SLC16A12: variants seen among roughly 807,000 people sequenced by gnomAD.
The protein encoded by SLC16A12 is monocarboxylate transporter 12.
Under a neutral mutation model 42.4 loss-of-function variants are expected in SLC16A12, and 17 were observed. That is an observed-to-expected ratio of 0.40 (90% CI 0.27 to 0.60). SLC16A12 has a LOEUF of 0.60. SLC16A12 is among the 20% of genes least tolerant of loss of function. The pLI is 0.42. For missense variants in SLC16A12, 544 were observed against 623.0 expected, an observed-to-expected ratio of 0.87 and a Z score of 1.35; for synonymous variants, 224 against 229.4, an observed-to-expected ratio of 0.98 and a Z score of 0.21.
At chr10:89,441,484 A>G (rs989236840) in intron 4 of SLC16A12, among the ~76,000 whole-genome samples, 14 of 152,190 alleles carry the variant, frequency 9.2e-5, no homozygotes, top group Non-Finnish European at 2.9e-5. Flanking sequence ...TTCAGGGCTC[A>G]ATCCTCTTCA....
At chr10:89,497,010 G>C (rs1007804275) in intron 2 of SLC16A12, among the ~76,000 whole-genome samples, 3 of 152,146 alleles carry the variant, frequency 2.0e-5, no homozygotes, top group African/African-American at 7.2e-5. Context: ...TTTAATCAGA[G>C]AAATACAGTT....
At chr10:89,434,332 G>C (rs1330055453) in intron 7 of SLC16A12, among the ~76,000 whole-genome samples, 1 of 152,198 alleles carries the variant, frequency 6.6e-6, no homozygotes, top group Admixed American at 6.5e-5. Context: ...TATCATGTCT[G>C]ATTTGCCAAT....
At chr10:89,524,660 C>A (rs1843419813) in intron 2 of SLC16A12, among the ~76,000 whole-genome samples, 1 of 152,166 alleles carries the variant, frequency 6.6e-6, no homozygotes, top group East Asian at 1.9e-4. Context: ...TTTGTACACA[C>A]ACTTGTGTGT....
intron 2 of SLC16A12, among the ~76,000 whole-genome samples, chr10:89,522,104 A>G (rs531811811): frequency 1.3e-5 from 2 of 152,120 alleles, no homozygotes; most frequent in Non-Finnish European, 2.9e-5. Flanking sequence ...GTCCCATAGC[A>G]TTCACCTCCA....
chr10:89,437,407 C>A (rs1446609288), intron 6 of SLC16A12, among the ~76,000 whole-genome samples: 1 of 152,076 alleles, frequency 6.6e-6, no homozygotes, highest in Non-Finnish European at 1.5e-5. Context: ...AGTATAAGGT[C>A]AACAGGCAAA....
chr10:89,482,325 C>A (rs1842676899), intron 2 of SLC16A12, among the ~76,000 whole-genome samples: 1 of 151,628 alleles, frequency 6.6e-6, no homozygotes, highest in Non-Finnish European at 1.5e-5. Flanking sequence ...TTCTTAGAAG[C>A]ATTCCAAAGG....
intron 2 of SLC16A12, among the ~76,000 whole-genome samples, chr10:89,515,438 T>C (rs1247296781): frequency 2.6e-5 from 4 of 152,190 alleles, no homozygotes; most frequent in Non-Finnish European, 1.5e-5. Context: ...TTGAAGTCAG[T>C]GTCGGAGGGC....
intron 2 of SLC16A12, among the ~76,000 whole-genome samples, chr10:89,514,054 C>T (rs1589719237): frequency 6.6e-6 from 1 of 152,184 alleles, no homozygotes; most frequent in East Asian, 1.9e-4. Context: ...AAGAGCAGGG[C>T]TTCTCAGATT....
intron 2 of SLC16A12, among the ~76,000 whole-genome samples, chr10:89,482,525 A>C (rs1842680180): frequency 6.6e-6 from 1 of 152,230 alleles, no homozygotes; most frequent in African/African-American, 2.4e-5. Flanking sequence ...TCACGCCTAT[A>C]ATCCCAGCAC....
chr10:89,555,535 GTATGTA>G (rs1036504398), intron 2 of SLC16A12, among the ~76,000 whole-genome samples: 15 of 128,978 alleles, frequency 1.2e-4, no homozygotes, highest in Non-Finnish European at 5.0e-5. Flanking sequence ...GTATATATAC[GTATGTA>G]TGTATATACG....
intron 3 of SLC16A12, among the ~76,000 whole-genome samples, chr10:89,445,411 T>C (rs761237343): frequency 3.3e-5 from 5 of 152,190 alleles, no homozygotes; most frequent in Admixed American, 6.5e-5. Flanking sequence ...ATATTTGCTG[T>C]TCTGCAATAT....
Position 89,477,437 on chromosome 10 carries a change from G to A in SLC16A12, c.-46-14813C>T, listed in dbSNP as rs75000856. Among the ~76,000 whole-genome samples, 1,051 of 152,030 alleles carry A rather than the reference G, an allele frequency of 6.9e-3. 62 individuals carry two copies. In the East Asian group the frequency reaches 0.15, roughly 22 times the overall value. Reference sequence around the variant, plus strand: ...AAATTAGCTGGGCGTGGTGGTGCATGTCTGTAATCCCAGCTACTCGGGAGG... The same window carrying A: ...AAATTAGCTGGGCGTGGTGGTGCATATCTGTAATCCCAGCTACTCGGGAGG... On this transcript the variant is annotated intron_variant, in intron 2 of 7. Transcript: ENST00000371790.
At chr10:89,546,568 C>T (rs537246508) in intron 2 of SLC16A12, among the ~76,000 whole-genome samples, 2 of 152,316 alleles carry the variant, frequency 1.3e-5, no homozygotes, top group East Asian at 3.9e-4. Context: ...AATAGGAACA[C>T]TTTTACACTG....
chr10:89,539,494 T>C (rs1280648909), upstream of SLC16A12, among the ~76,000 whole-genome samples: 1 of 152,222 alleles, frequency 6.6e-6, no homozygotes, highest in Non-Finnish European at 1.5e-5. Flanking sequence ...GATAGGATTC[T>C]GAGAAGCCTG....
intron 2 of SLC16A12, among the ~76,000 whole-genome samples, chr10:89,502,936 G>A (rs568804097): frequency 6.6e-6 from 1 of 152,330 alleles, no homozygotes; most frequent in South Asian, 2.1e-4. Flanking sequence ...AGCAAAGCTT[G>A]TAGGAAACAT....
intron 2 of SLC16A12, among the ~76,000 whole-genome samples, chr10:89,512,536 G>T (rs1843179944): frequency 1.3e-5 from 2 of 152,172 alleles, no homozygotes; most frequent in Non-Finnish European, 2.9e-5. Flanking sequence ...AATGGTTAAT[G>T]ATTATTGCCT....
At chr10:89,494,761 G>A (rs1842898478) in intron 2 of SLC16A12, among the ~76,000 whole-genome samples, 1 of 152,098 alleles carries the variant, frequency 6.6e-6, no homozygotes, top group South Asian at 2.1e-4. Context: ...GAAAGACTCA[G>A]GAATGAAGGA....
intron 2 of SLC16A12, among the ~76,000 whole-genome samples, chr10:89,499,666 T>G (rs1026225375): frequency 1.3e-5 from 2 of 152,010 alleles, no homozygotes; most frequent in South Asian, 4.2e-4. Context: ...AAGAGGAAAG[T>G]TCATAGCCCT....
At chr10:89,525,598 T>C (rs1369264634) in intron 2 of SLC16A12, among the ~76,000 whole-genome samples, 4 of 152,220 alleles carry the variant, frequency 2.6e-5, no homozygotes, top group Non-Finnish European at 5.9e-5. Context: ...TTTTAACAAG[T>C]ATCTTATTTA....
Sources: allele counts gnomAD v4.1 joint callset (sites outside exome capture counted in the v4.1 genomes callset), GRCh38; gene constraint gnomAD v4.1.1; transcripts MANE v1.5; gene names NCBI Gene and HGNC (gene_info 2026-07-23, HGNC 2026-07-21).